Variants in KLF8 observed in about 807,000 individuals in gnomAD.
KLF8 encodes the protein Krueppel-like factor 8.
A neutral mutation model predicts 18.2 loss-of-function variants in KLF8; 10 were observed. That is an observed-to-expected ratio of 0.55 (90% CI 0.34 to 0.93). The LOEUF (loss-of-function observed/expected upper bound fraction) is 0.93. Among genes scored for constraint, KLF8 ranks in the 40% least tolerant of loss-of-function variants. The pLI, the probability that KLF8 is intolerant of heterozygous loss-of-function variation, is 0.02. For synonymous variants in KLF8, 109 were observed against 97.3 expected (o/e 1.12, Z -0.71); for missense variants, 264 against 277.9 (o/e 0.95, Z 0.36).
the KLF8 span, among the ~76,000 whole-genome samples, chrX:56,213,854 G>A: frequency 9.0e-6 from 1 of 111,277 alleles, no homozygotes; most frequent in African/African-American, 3.3e-5. Context: ...CAGTGTGACA[G>A]GCTTCTGTAT....
At chrX:56,217,505 C>T in the KLF8 span, among the ~76,000 whole-genome samples, 1 of 110,482 alleles carries the variant, frequency 9.1e-6, no homozygotes, top group Non-Finnish European at 1.9e-5. Context: ...ACCTCTGCCT[C>T]CTGGGTTCAA....
chrX:56,197,669 A>G, the KLF8 span, among the ~76,000 whole-genome samples: 7 of 111,918 alleles, frequency 6.3e-5, no homozygotes, highest in Admixed American at 2.8e-4. Context: ...ACAAAGAGGG[A>G]CTGGCACCAT....
At chrX:55,938,293 G>C in the KLF8 span, among the ~76,000 whole-genome samples, 1 of 111,193 alleles carries the variant, frequency 9.0e-6, no homozygotes, top group East Asian at 2.8e-4. Context: ...AAGTGAAGGA[G>C]AAATAAAATA....
At chrX:56,107,428 G>A in the KLF8 span, among the ~76,000 whole-genome samples, 21 of 111,400 alleles carry the variant, frequency 1.9e-4, no homozygotes, top group South Asian at 5.3e-3. Context: ...CAGCAATGGC[G>A]GACTCCCCTC....
chrX:56,125,733 G>A, the KLF8 span, among the ~76,000 whole-genome samples: 5 of 112,106 alleles, frequency 4.5e-5, no homozygotes, highest in African/African-American at 1.6e-4. Context: ...TCTAGTTTAT[G>A]GGGAAGAGTG....
chrX:56,031,234 A>G, the KLF8 span, among the ~76,000 whole-genome samples: 4 of 111,925 alleles, frequency 3.6e-5, no homozygotes, highest in Non-Finnish European at 7.5e-5. Flanking sequence ...ACCACAAAAC[A>G]AAGAACAGGT....
chrX:56,022,466 G>A, the KLF8 span, among the ~76,000 whole-genome samples: 1 of 103,646 alleles, frequency 9.6e-6, no homozygotes, highest in South Asian at 4.6e-4. Flanking sequence ...GGAGAATGGC[G>A]TGAACCCGGG....
At chrX:55,963,293 G>T in the KLF8 span, among the ~76,000 whole-genome samples, 4 of 112,138 alleles carry the variant, frequency 3.6e-5, no homozygotes, top group South Asian at 1.1e-3. Flanking sequence ...TTCAAGGATT[G>T]TATATTTGTC....
At chrX:56,177,988 G>T in the KLF8 span, among the ~76,000 whole-genome samples, 4 of 111,710 alleles carry the variant, frequency 3.6e-5, no homozygotes, top group Non-Finnish European at 3.8e-5. Context: ...TATTTTCCAG[G>T]TGCCATCTGT....
At chrX:56,276,852 T>C (rs1026800635) in intron 5 of KLF8, among the ~76,000 whole-genome samples, 4 of 111,689 alleles carry the variant, frequency 3.6e-5, no homozygotes, top group East Asian at 2.8e-4. Context: ...TATCTCTTTA[T>C]CTACTTGCTC....
the KLF8 span, among the ~76,000 whole-genome samples, chrX:55,955,274 C>A: frequency 9.0e-6 from 1 of 110,983 alleles, no homozygotes; most frequent in African/African-American, 3.3e-5. Flanking sequence ...CAAAAAAGTC[C>A]TAGGCAGGAG....
chrX:56,204,580 G>A, the KLF8 span, among the ~76,000 whole-genome samples: 11 of 110,946 alleles, frequency 9.9e-5, no homozygotes, highest in Non-Finnish European at 1.9e-4. Flanking sequence ...CTTTTATTAT[G>A]TTGAGGTATG....
the KLF8 span, among the ~76,000 whole-genome samples, chrX:56,215,371 A>C: frequency 5.4e-5 from 6 of 111,594 alleles, no homozygotes; most frequent in Admixed American, 5.7e-4. Context: ...AATAAGTCTC[A>C]TTTCATTCTA....
the KLF8 span, among the ~76,000 whole-genome samples, chrX:56,186,900 C>T: frequency 8.9e-6 from 1 of 111,984 alleles, no homozygotes; most frequent in Non-Finnish European, 1.9e-5. Flanking sequence ...ATTTATAGCA[C>T]TAAATGCCCA....
chrX:56,269,475 G>T lies in KLF8; in HGVS notation c.744G>T (p.Gln248His). 1 of 1,202,701 alleles carries T rather than the reference G, an allele frequency of 8.3e-7. No individual in the cohort carries two copies. The highest frequency in any genetic ancestry group is 1.1e-6 in the Non-Finnish European group (1 of 890,829). Residue 248 changes from glutamine (Q) to histidine (H), a missense_variant, in exon 4 of 6, where the codon CAG (glutamine) becomes CAT (histidine). By Grantham distance (24) the Gln-to-His change is conservative. Transcript: ENST00000468660. ...GATCCTCAGCCTTGCAGAGTCTGCA[G>T]GGACTACAGCAAGAGTGAGTACTTT... ...ESGSSALQSLQGLQQEPAAMA... is the reference protein window; with the variant it reads ...ESGSSALQSLHGLQQEPAAMA...
the KLF8 span, among the ~76,000 whole-genome samples, chrX:56,156,580 T>C: frequency 9.1e-6 from 1 of 110,392 alleles, no homozygotes; most frequent in Non-Finnish European, 1.9e-5. Flanking sequence ...TTCTTTTTTT[T>C]TTCTTTATAT....
At chrX:55,947,928 T>G in the KLF8 span, among the ~76,000 whole-genome samples, 1 of 112,350 alleles carries the variant, frequency 8.9e-6, no homozygotes, top group Non-Finnish European at 1.9e-5. Context: ...ACATTTTTGC[T>G]AGAGGTACAA....
chrX:56,206,143 C>T, the KLF8 span, among the ~76,000 whole-genome samples: 3 of 111,226 alleles, frequency 2.7e-5, no homozygotes, highest in African/African-American at 9.8e-5. Flanking sequence ...ATTATCTCCA[C>T]CTAGCCCTTC....
At chrX:56,142,230 A>G in the KLF8 span, among the ~76,000 whole-genome samples, 1 of 111,821 alleles carries the variant, frequency 8.9e-6, no homozygotes, top group Non-Finnish European at 1.9e-5. Flanking sequence ...TGTCAAGTTC[A>G]CCAATAACCT....
Sources: allele counts gnomAD v4.1 joint callset (sites outside exome capture counted in the v4.1 genomes callset), GRCh38; gene constraint gnomAD v4.1.1; transcripts MANE v1.5; gene names NCBI Gene and HGNC (gene_info 2026-07-23, HGNC 2026-07-21).